The following INPP5D variants were observed in gnomAD, a reference collection of about 807,000 sequenced individuals.
The protein encoded by INPP5D is phosphatidylinositol 3,4,5-trisphosphate 5-phosphatase 1.
Under a neutral mutation model 122.9 loss-of-function variants are expected in INPP5D, and 33 were observed. That is an observed-to-expected ratio of 0.27 (90% confidence interval 0.20 to 0.36). The LOEUF is 0.36. Among genes scored for constraint, INPP5D ranks in the 10% least tolerant of loss-of-function variants. INPP5D has a pLI of 1.00. For synonymous variants in INPP5D, 584 were observed against 576.2 expected, an observed-to-expected ratio of 1.01 and a Z score of -0.19; for missense variants, 1,053 against 1,412.7, an observed-to-expected ratio of 0.75 and a Z score of 4.08.
chr2:233,084,057 GT>G (rs1691763297), intron 2 of INPP5D, among the ~76,000 whole-genome samples: 1 of 152,088 alleles, frequency 6.6e-6, no homozygotes, highest in South Asian at 2.1e-4. Context: ...TTTCTGTTTT[GT>G]TTTGTTTTGT....
chr2:233,167,964 C>G (rs1014733163), intron 13 of INPP5D, among the ~76,000 whole-genome samples: 2 of 138,662 alleles, frequency 1.4e-5, no homozygotes, highest in Non-Finnish European at 3.0e-5. Flanking sequence ...GAGATCGCGC[C>G]ACTGCACTCC....
At chr2:233,126,022 C>A in intron 4 of INPP5D, 103 bp downstream of exon 4, 1 of 1,162,102 alleles carries the variant, frequency 8.6e-7, no homozygotes, top group South Asian at 1.5e-5. Context: ...GCCTGGTGAC[C>A]AGAGGGAGAT....
chr2:233,067,856 A>T (rs1416917473), intron 1 of INPP5D, among the ~76,000 whole-genome samples: 6 of 152,232 alleles, frequency 3.9e-5, no homozygotes, highest in Non-Finnish European at 1.5e-5. Context: ...TCCTTTGTAC[A>T]TTTAGAAAAC....
At position 233,189,792 on chromosome 2, in the gene INPP5D, C is replaced by G; in HGVS notation, c.2359-58C>G. On this transcript the variant is annotated intron_variant, in intron 21 of 26. Coordinates refer to ENST00000445964, the MANE Select transcript of INPP5D (RefSeq NM_001017915.3). The surrounding 1 kb of genome is among the most constrained non-coding windows in gnomAD (Gnocchi z 5.6). ...CATCTTCATCCACTTGTCCACCCAC[C>G]TGTCCCCTCACCTGTCCCTTGCCCA... The G allele has an allele frequency of 8.8e-6, 14 of 1,589,302 alleles. No individual in the cohort carries two copies. The highest frequency in any genetic ancestry group is 1.2e-5 in the Non-Finnish European group (14 of 1,168,362).
At chr2:233,114,433 G>T (rs1449018743) in intron 2 of INPP5D, among the ~76,000 whole-genome samples, 1 of 152,232 alleles carries the variant, frequency 6.6e-6, no homozygotes, top group Admixed American at 6.5e-5. Context: ...AGGCCAGGCC[G>T]GGAGGAGGTG....
rs975530865 is a variant in INPP5D at position 233,188,406 on chromosome 2, G to T, written c.2359-1444G>T. 3.9e-5 allele frequency among the ~76,000 whole-genome samples: 6 copies of T among 152,072 alleles called. No homozygotes were observed. The highest frequency in any genetic ancestry group is 3.9e-4 in the Admixed American group (6 of 15,260). On this transcript the variant is annotated intron_variant, in intron 21 of 26. Transcript: ENST00000445964. This position sits in a 1 kb window ranked among gnomAD's most constrained non-coding sequence, Gnocchi z 4.7. ...TCACCCCATTTCCACTCCATCCCAG[G>T]GAGGACCGGGTCTTCCTCCAGCATC...
At chr2:233,102,506 C>T (rs1332040333) in intron 2 of INPP5D, among the ~76,000 whole-genome samples, 1 of 152,192 alleles carries the variant, frequency 6.6e-6, no homozygotes, top group Non-Finnish European at 1.5e-5. Context: ...CAGCTCAAAT[C>T]AGAGAAGCCA....
chr2:233,110,751 G>A (rs1692600883), intron 2 of INPP5D, among the ~76,000 whole-genome samples: 1 of 152,094 alleles, frequency 6.6e-6, no homozygotes, highest in African/African-American at 2.4e-5. Context: ...TAGTGAAACT[G>A]CATCTCTACT....
intron 2 of INPP5D, among the ~76,000 whole-genome samples, chr2:233,117,457 G>A (rs1265289149): frequency 6.6e-6 from 1 of 152,192 alleles, no homozygotes; most frequent in Non-Finnish European, 1.5e-5. Context: ...CAGATGAGAG[G>A]AAAGTTTTTT....
chr2:233,098,232 C>G (rs953432051), intron 2 of INPP5D, among the ~76,000 whole-genome samples: 10 of 152,220 alleles, frequency 6.6e-5, no homozygotes, highest in African/African-American at 2.4e-4. Context: ...TGTTTCTGCT[C>G]CAGGAGGAGG....
chr2:233,197,965 C>A lies in INPP5D; in HGVS notation c.2694-130C>A. 1 of 1,327,662 alleles carries A rather than the reference C, an allele frequency of 7.5e-7. No individual in the cohort carries two copies. The highest frequency in any genetic ancestry group is 9.9e-7 in the Non-Finnish European group (1 of 1,008,352). 82.2% of individuals were successfully genotyped at this position (1,327,662 alleles called of 1,614,324 possible). On this transcript the variant is annotated intron_variant, in intron 24 of 26. Coordinates refer to ENST00000445964, the MANE Select transcript of INPP5D (RefSeq NM_001017915.3). This position sits in a 1 kb window ranked among gnomAD's most constrained non-coding sequence, Gnocchi z 4.4. Reference sequence around the variant, plus strand: ...AGATGAATGAATGAATGGATCACTGCCCAAGAGGTGAAGGAGTTGAGGAGA... The same window carrying A: ...AGATGAATGAATGAATGGATCACTGACCAAGAGGTGAAGGAGTTGAGGAGA...
Position 233,161,777 on chromosome 2 carries a change from G to A in INPP5D, c.1191G>A (p.Glu397=), listed in dbSNP as rs1477526924. 3 of 1,613,780 alleles carry A rather than the reference G, an allele frequency of 1.9e-6. No homozygotes were observed. The Admixed American group carries it at 5.0e-5, about 27-fold the overall frequency. Residue 397 remains glutamate (E), a synonymous_variant, in exon 11 of 27, where the codon GAG becomes GAA. Transcript: ENST00000445964. ...LLQQMKNKHS[E]QPEPDMITIF... ...AGCAGATGAAGAACAAGCACTCAGA[G>A]CAGCCGGAGCCCGACATGATCACCA...
intron 2 of INPP5D, among the ~76,000 whole-genome samples, chr2:233,104,006 CTTTTTTT>C (rs5839471): frequency 2.4e-5 from 2 of 81,820 alleles, no homozygotes; most frequent in East Asian, 3.4e-4. Context: ...TGTGCCCTGC[CTTTTTTT>C]TTTTTTTTTT....
chr2:233,062,522 C>T (rs1055215806), intron 1 of INPP5D, among the ~76,000 whole-genome samples: 1 of 152,200 alleles, frequency 6.6e-6, no homozygotes, highest in African/African-American at 2.4e-5. Context: ...CTTCCTCTAC[C>T]TCTTCTCTCT....
chr2:233,157,761 T>A (rs1301369178), intron 9 of INPP5D, among the ~76,000 whole-genome samples: 1 of 148,856 alleles, frequency 6.7e-6, no homozygotes, highest in Non-Finnish European at 1.5e-5. Context: ...TTTTTTTTTT[T>A]AAGAAACAGA....
intron 17 of INPP5D, among the ~76,000 whole-genome samples, chr2:233,175,831 C>T (rs929745235): frequency 6.6e-6 from 1 of 151,734 alleles, no homozygotes; most frequent in East Asian, 1.9e-4. Context: ...TACAGGCATG[C>T]GCCACCATGC....
chr2:233,190,251 AG>A (rs1394701658), intron 22 of INPP5D, among the ~76,000 whole-genome samples: 1 of 152,226 alleles, frequency 6.6e-6, no homozygotes, highest in Non-Finnish European at 1.5e-5. Context: ...ATGAGTAAAC[AG>A]AGGCTCAGAA....
At chr2:233,136,537 T>A (rs918566861) in intron 5 of INPP5D, among the ~76,000 whole-genome samples, 1 of 151,774 alleles carries the variant, frequency 6.6e-6, no homozygotes, top group Non-Finnish European at 1.5e-5. Flanking sequence ...AGATTGTAAA[T>A]CTCTTGAAGA....
chr2:233,109,182 T>G (rs948189980), intron 2 of INPP5D, among the ~76,000 whole-genome samples: 1 of 152,222 alleles, frequency 6.6e-6, no homozygotes, highest in Non-Finnish European at 1.5e-5. Context: ...GCCATGCCAA[T>G]GCACAGTGCC....
Sources: gnomAD v4.1 joint callset for allele counts (sites outside exome capture counted in the v4.1 genomes callset) on GRCh38, gnomAD v4.1.1 for gene constraint, Gnocchi (gnomAD v3.1) non-coding constraint, MANE v1.5 for transcripts, NCBI Gene and HGNC (gene_info 2026-07-23, HGNC 2026-07-21) for gene names.